CDC45: variants seen among roughly 807,000 people sequenced by gnomAD.
The protein encoded by CDC45 is cell division cycle 45, also known as cell division control protein 45 homolog.
CDC45 carries 54 observed loss-of-function variants against 77.8 expected under a neutral mutation model. That is an observed-to-expected ratio of 0.69 (90% CI 0.56 to 0.87). CDC45 has a LOEUF of 0.87. Ranked by LOEUF, CDC45 falls within the 40% of genes least tolerant of loss-of-function variation. The pLI is 0.00. For missense variants in CDC45, 649 were observed against 721.6 expected, an observed-to-expected ratio of 0.90 and a Z score of 1.15; for synonymous variants, 260 against 272.1, an observed-to-expected ratio of 0.96 and a Z score of 0.44.
chr22:19,481,011 A>G lies in CDC45; in HGVS notation c.170A>G (p.Glu57Gly). ...CTGGTTCCAGTTTCTGGGTGGCAAGAACTTGAAACTGCATTTCTTGAGCAT... is the reference window on the plus strand; with the variant it reads ...CTGGTTCCAGTTTCTGGGTGGCAAGGACTTGAAACTGCATTTCTTGAGCAT... ...YTLVPVSGWQELETAFLEHKE... is the reference protein window; with the variant it reads ...YTLVPVSGWQGLETAFLEHKE... The change falls in exon 3 of 19, where the codon GAA becomes GGA. Residue 57 changes from glutamate (E) to glycine (G), a missense_variant. Physicochemically the swap from Glu to Gly is moderately conservative, Grantham distance 98 (BLOSUM62 -2). Transcript: ENST00000263201. 1 of 1,613,860 alleles carries G rather than the reference A, an allele frequency of 6.2e-7. No homozygotes were observed. The highest frequency in any genetic ancestry group is 8.5e-7 in the Non-Finnish European group (1 of 1,179,736).
intron 5 of CDC45, among the ~76,000 whole-genome samples, chr22:19,493,362 G>A (rs1329454125): frequency 6.6e-6 from 1 of 151,876 alleles, no homozygotes; most frequent in East Asian, 1.9e-4. Context: ...ACACTGTGTT[G>A]TTCCTCATGT....
chr22:19,481,062 T>G lies in CDC45; in HGVS notation c.204+17T>G, dbSNP rs2089973089. The G allele has an allele frequency of 1.3e-6, 2 of 1,539,110 alleles. No individual in the cohort carries two copies. The highest frequency in any genetic ancestry group is 1.4e-5 in the African/African-American group (1 of 73,286). ...AAAGAACAGGTATTGAAGATGCGTTTTAGAATAACGTGGCTTTTTACTCAA... is the reference window on the plus strand; with the variant it reads ...AAAGAACAGGTATTGAAGATGCGTTGTAGAATAACGTGGCTTTTTACTCAA... On this transcript the variant is annotated intron_variant, in intron 3 of 18. Coordinates refer to ENST00000263201, the MANE Select transcript of CDC45 (RefSeq NM_003504.5).
In CDC45 at chr22:19,479,926, T is replaced by A. The variant is rs1185410397; in HGVS notation, c.-43T>A. The A allele has an allele frequency of 6.2e-7, 1 of 1,610,396 alleles. No homozygotes were observed. Among genetic ancestry groups the A allele is most frequent in the African/African-American group, 1.3e-5 (1 of 74,862 alleles). ...GGGAGTCTTGACCGCCGCCGGGCTC[T>A]TGGTACCTCAGCGCGAGCGCCAGGC... On this transcript the variant is annotated 5_prime_UTR_variant, in exon 1 of 19. It adds an upstream start codon to the 5' untranslated region. Coordinates refer to ENST00000263201, the MANE Select transcript of CDC45 (RefSeq NM_003504.5).
chr22:19,484,984 G>C (rs1224182691), intron 5 of CDC45, among the ~76,000 whole-genome samples: 2 of 151,634 alleles, frequency 1.3e-5, no homozygotes, highest in Admixed American at 1.3e-4. Context: ...TGTTTCCCAG[G>C]CTGGCCTCAA....
At chr22:19,509,985 A>C (rs935554158) in intron 13 of CDC45, among the ~76,000 whole-genome samples, 3 of 152,148 alleles carry the variant, frequency 2.0e-5, no homozygotes, top group African/African-American at 7.2e-5. Flanking sequence ...TTTTAGAGAC[A>C]GGGTCTCGCT....
At chr22:19,494,159 A>C (rs537359746) in intron 5 of CDC45, among the ~76,000 whole-genome samples, 168 bp from the exon 6 acceptor site, 8 of 152,210 alleles carry the variant, frequency 5.3e-5, no homozygotes, top group South Asian at 4.1e-4. Flanking sequence ...CCTTGCCTCC[A>C]TGCCTCTCTT....
intron 13 of CDC45, among the ~76,000 whole-genome samples, chr22:19,514,030 G>A (rs1030933715): frequency 6.6e-6 from 1 of 152,080 alleles, no homozygotes; most frequent in Non-Finnish European, 1.5e-5. Context: ...TCCTGTTCTT[G>A]GTTTAGGAAT....
chr22:19,514,883 T>G lies in CDC45; in HGVS notation c.1352T>G (p.Met451Arg). The G allele has an allele frequency of 6.2e-7, 1 of 1,614,208 alleles. No individual in the cohort carries two copies. Among genetic ancestry groups the G allele is most frequent in the Non-Finnish European group, 8.5e-7 (1 of 1,180,038 alleles). Reference protein sequence around the residue: ...SQGPFLYCSLMEGTPDVMLFS... With the variant: ...SQGPFLYCSLREGTPDVMLFS... Reference sequence around the variant, plus strand: ...GGGCCTTTCCTGTACTGCTCTCTCATGGAGGTCAGGCTTCCCACAGAGCAC... The same window carrying G: ...GGGCCTTTCCTGTACTGCTCTCTCAGGGAGGTCAGGCTTCCCACAGAGCAC... Residue 451 changes from methionine to arginine, a missense_variant, in exon 14 of 19, where the codon ATG becomes AGG. Physicochemically the swap from Met to Arg is moderately conservative, Grantham distance 91. Coordinates refer to ENST00000263201, the MANE Select transcript of CDC45 (RefSeq NM_003504.5).
intron 4 of CDC45, among the ~76,000 whole-genome samples, chr22:19,483,157 G>A (rs1032580406): frequency 6.6e-6 from 1 of 152,194 alleles, no homozygotes; most frequent in Non-Finnish European, 1.5e-5. Context: ...TCTTGGCTGG[G>A]CGCGGTGGCT....
Position 19,483,579 on chromosome 22 carries a change from A to G in CDC45, c.343-283A>G, listed in dbSNP as rs372786274. Among the ~76,000 whole-genome samples, 20 of 152,332 alleles carry G rather than the reference A, an allele frequency of 1.3e-4. No individual in the cohort carries two copies. The East Asian group carries it at 1.3e-3, about 10-fold the overall frequency. Reference sequence around the variant, plus strand: ...TTTTATTGGTGTATGACGTAAGAGGATGCTGTGTTTCCAGACTTAAGTAGA... The same window carrying G: ...TTTTATTGGTGTATGACGTAAGAGGGTGCTGTGTTTCCAGACTTAAGTAGA... On this transcript the variant is annotated intron_variant, in intron 4 of 18. Coordinates refer to ENST00000263201, the MANE Select transcript of CDC45 (RefSeq NM_003504.5).
chr22:19,492,608 G>A (rs541726881), intron 5 of CDC45, among the ~76,000 whole-genome samples: 27 of 152,158 alleles, frequency 1.8e-4, no homozygotes, highest in Middle Eastern at 3.4e-3. Flanking sequence ...TGTTGGCATC[G>A]GTGGGTTTTC....
intron 5 of CDC45, among the ~76,000 whole-genome samples, chr22:19,490,239 C>T (rs1044268616): frequency 3.3e-5 from 5 of 152,176 alleles, no homozygotes; most frequent in Non-Finnish European, 7.3e-5. Context: ...AAGCCATTCT[C>T]TATCTCTTAA....
chr22:19,504,127 T>C (rs1298878805), intron 9 of CDC45, among the ~76,000 whole-genome samples: 3 of 152,198 alleles, frequency 2.0e-5, no homozygotes, highest in Non-Finnish European at 4.4e-5. Flanking sequence ...TAATGTGTTA[T>C]AGGACCAGCA....
At chr22:19,486,961 C>T (rs1190480352) in intron 5 of CDC45, among the ~76,000 whole-genome samples, 2 of 151,364 alleles carry the variant, frequency 1.3e-5, no homozygotes, top group Non-Finnish European at 2.9e-5. Context: ...CAGGCGTGAG[C>T]CACCGTGCCC....
Position 19,505,561 on chromosome 22 carries a change from G to A in CDC45, c.824+80G>A. ...TTGTTTGCTTTGTCACCCTCTGTGG[G>A]TTCTGGCCACATCCCCAGGAGGGAA... is the stretch of plus-strand genomic sequence containing the variant. On this transcript the variant is annotated intron_variant, in intron 10 of 18. Transcript: ENST00000263201. The A allele has an allele frequency of 3.3e-6, 5 of 1,516,840 alleles. No homozygotes were observed. In the South Asian group the frequency reaches 5.7e-5, roughly 17 times the overall value. 94.0% of individuals were successfully genotyped at this position (1,516,840 alleles called of 1,614,324 possible).
Position 19,480,032 on chromosome 22 carries a change from C to T in CDC45, c.51+13C>T. Reference sequence around the variant, plus strand: ...GGTCCAGAGCCAGGTGACGCCCAGTCCGGGACCCCCGCCGAGGCCTTGCCG... The same window carrying T: ...GGTCCAGAGCCAGGTGACGCCCAGTTCGGGACCCCCGCCGAGGCCTTGCCG... On this transcript the variant is annotated intron_variant, in intron 1 of 18. Coordinates refer to ENST00000263201, the MANE Select transcript of CDC45 (RefSeq NM_003504.5). The T allele has an allele frequency of 6.2e-7, 1 of 1,613,962 alleles. No homozygotes were observed. The highest frequency in any genetic ancestry group is 8.5e-7 in the Non-Finnish European group (1 of 1,179,950).
At chr22:19,501,005 C>T (rs562962222) in intron 9 of CDC45, among the ~76,000 whole-genome samples, 10 of 152,184 alleles carry the variant, frequency 6.6e-5, no homozygotes, top group Middle Eastern at 3.4e-3. Context: ...GGTGAAACAC[C>T]GTCTCTACTA....
chr22:19,491,607 C>A (rs994402120), intron 5 of CDC45, among the ~76,000 whole-genome samples: 1 of 151,978 alleles, frequency 6.6e-6, no homozygotes, highest in Non-Finnish European at 1.5e-5. Context: ...TCTTATTTTT[C>A]TTTGGCTGTT....
At chr22:19,511,812 T>G (rs774510545) in intron 13 of CDC45, among the ~76,000 whole-genome samples, 1 of 152,154 alleles carries the variant, frequency 6.6e-6, no homozygotes. Context: ...TGGTGTCATA[T>G]CTAAGAAACC....
Sources: allele counts gnomAD v4.1 joint callset (sites outside exome capture counted in the v4.1 genomes callset), GRCh38; gene constraint gnomAD v4.1.1; transcripts MANE v1.5; gene names NCBI Gene and HGNC (gene_info 2026-07-23, HGNC 2026-07-21).